The following C12orf75 variants were observed in gnomAD, a reference collection of about 807,000 sequenced individuals.
The protein encoded by C12orf75 is overexpressed in colon carcinoma 1 protein.
C12orf75 carries 4 observed loss-of-function variants against 11.4 expected under a neutral mutation model. The observed-to-expected ratio is 0.35, with a 90% CI of 0.17 to 0.80. C12orf75 has a LOEUF of 0.80. C12orf75 is among the 30% of genes least tolerant of loss of function. The pLI is 0.52. For missense variants in C12orf75, 89 were observed against 80.4 expected, an observed-to-expected ratio of 1.11 and a Z score of -0.41; for synonymous variants, 30 against 30.0, an observed-to-expected ratio of 1.00 and a Z score of 0.00.
intron 1 of C12orf75, among the ~76,000 whole-genome samples, chr12:105,331,995 A>G (rs1381932595): frequency 6.6e-6 from 1 of 152,214 alleles, no homozygotes; most frequent in Non-Finnish European, 1.5e-5. Context: ...ACGCCGGTAA[A>G]AAATGGAGTT....
chr12:105,356,505 AT>A (rs1892783158), intron 2 of C12orf75, among the ~76,000 whole-genome samples: 1 of 143,012 alleles, frequency 7.0e-6, no homozygotes, highest in South Asian at 2.2e-4. Flanking sequence ...TATTTAGAAC[AT>A]TTTTCTTGAT....
At chr12:105,361,878 T>C (rs1365963321) in intron 2 of C12orf75, among the ~76,000 whole-genome samples, 1 of 152,206 alleles carries the variant, frequency 6.6e-6, no homozygotes, top group Admixed American at 6.5e-5. Flanking sequence ...AACCTTAGTC[T>C]GGACCTGGTT....
intron 2 of C12orf75, among the ~76,000 whole-genome samples, chr12:105,364,080 C>T (rs764452948): frequency 2.4e-4 from 36 of 152,032 alleles, no homozygotes; most frequent in East Asian, 5.8e-4. Flanking sequence ...TAGTCATGGC[C>T]GGAAATGTGT....
At chr12:105,350,327 G>T (rs566171620) in intron 2 of C12orf75, among the ~76,000 whole-genome samples, 1 of 152,208 alleles carries the variant, frequency 6.6e-6, no homozygotes, top group Admixed American at 6.5e-5. Context: ...CTCGCATGGC[G>T]TGGGAGGAGA....
At chr12:105,333,703 A>G (rs1210499011) in intron 1 of C12orf75, among the ~76,000 whole-genome samples, 1 of 152,180 alleles carries the variant, frequency 6.6e-6, no homozygotes, top group Non-Finnish European at 1.5e-5. Flanking sequence ...ATCTTGTTTC[A>G]TAAGGCTCAT....
intron 4 of C12orf75, 54 bp downstream of exon 4, chr12:105,366,750 A>T (rs1871484000): frequency 1.0e-6 from 1 of 998,368 alleles, no homozygotes; most frequent in Admixed American, 2.1e-5. Context: ...TTTATGTTTT[A>T]TGAAAAAGCA....
intron 1 of C12orf75, among the ~76,000 whole-genome samples, chr12:105,344,405 C>G (rs11112482): frequency 0.19 from 29,315 of 152,108 alleles, 3,106 homozygotes; most frequent in Non-Finnish European, 0.23. Context: ...CTTGGCCACT[C>G]TCTTCTTCCT....
At chr12:105,357,803 TGTGTGAGAGAGA>T (rs1303315499) in intron 2 of C12orf75, among the ~76,000 whole-genome samples, 7 of 147,012 alleles carry the variant, frequency 4.8e-5, no homozygotes, top group Non-Finnish European at 9.1e-5. Flanking sequence ...TGTGTGTGTG[TGTGTGAGAGAGA>T]GAGAGAGAGA....
chr12:105,346,154 A>G (rs928109300), intron 1 of C12orf75, among the ~76,000 whole-genome samples: 3 of 151,710 alleles, frequency 2.0e-5, no homozygotes, highest in African/African-American at 7.3e-5. Flanking sequence ...CCTGGAAACA[A>G]CCCCCCACAC....
At chr12:105,347,176 C>T (rs766377817) in intron 1 of C12orf75, among the ~76,000 whole-genome samples, 12 of 152,134 alleles carry the variant, frequency 7.9e-5, no homozygotes, top group East Asian at 1.9e-4. Flanking sequence ...AGAGAATCTG[C>T]GAGAAGTAAT....
chr12:105,362,938 A>G (rs1892893970), intron 2 of C12orf75, among the ~76,000 whole-genome samples: 2 of 152,260 alleles, frequency 1.3e-5, no homozygotes, highest in South Asian at 4.1e-4. Flanking sequence ...GTATAGTTAC[A>G]CAATCAGGTT....
chr12:105,335,186 C>T (rs1892485883), intron 1 of C12orf75, among the ~76,000 whole-genome samples: 1 of 152,110 alleles, frequency 6.6e-6, no homozygotes, highest in Non-Finnish European at 1.5e-5. Context: ...ATTATTTACC[C>T]TATTTTATCA....
intron 2 of C12orf75, among the ~76,000 whole-genome samples, chr12:105,363,370 A>C (rs1186425428): frequency 2.6e-5 from 4 of 152,192 alleles, no homozygotes; most frequent in Non-Finnish European, 5.9e-5. Flanking sequence ...GGATGAAGTG[A>C]CAGTCTTATA....
Position 105,352,236 on chromosome 12 carries a change from T to C in C12orf75, c.71+3610T>C, listed in dbSNP as rs186713646. ...ATTGCGTGTGTCATGATGGCCACAT[T>C]GGTCACCCTGGGGACTGTAGTTTCA... On this transcript the variant is annotated intron_variant, in intron 2 of 5. Transcript: ENST00000443585. Among the ~76,000 whole-genome samples the C allele has an allele frequency of 4.8e-3, 728 of 152,182 alleles. 22 individuals are homozygous for C. Among genetic ancestry groups the C allele is most frequent in the Admixed American group, 0.044 (667 of 15,288 alleles).
intron 2 of C12orf75, among the ~76,000 whole-genome samples, chr12:105,357,005 C>T (rs1209682105): frequency 2.0e-5 from 3 of 152,090 alleles, no homozygotes; most frequent in African/African-American, 4.8e-5. Flanking sequence ...GGCGAAAGCC[C>T]ACCCACCCCA....
intron 5 of C12orf75, among the ~76,000 whole-genome samples, chr12:105,368,311 A>G (rs1028629630): frequency 3.9e-5 from 6 of 152,000 alleles, no homozygotes; most frequent in Non-Finnish European, 5.9e-5. Flanking sequence ...ATGACACCCA[A>G]CCTCTTTTGA....
intron 1 of C12orf75, among the ~76,000 whole-genome samples, chr12:105,333,569 T>TA (rs749855714): frequency 7.2e-5 from 11 of 152,182 alleles, no homozygotes; most frequent in East Asian, 3.8e-4. Flanking sequence ...GTGCTGAACT[T>TA]AAGAGTCTGG....
intron 2 of C12orf75, among the ~76,000 whole-genome samples, chr12:105,354,564 C>T (rs771355055): frequency 1.1e-4 from 17 of 152,104 alleles, no homozygotes; most frequent in Admixed American, 5.9e-4. Flanking sequence ...TTGTTGCCCC[C>T]GGTGAATGAC....
chr12:105,336,790 G>A (rs950064493), intron 1 of C12orf75, among the ~76,000 whole-genome samples: 4 of 152,168 alleles, frequency 2.6e-5, no homozygotes, highest in African/African-American at 7.2e-5. Flanking sequence ...CACTCTAAAA[G>A]TAAGGTAGTA....
Sources: allele counts gnomAD v4.1 joint callset (sites outside exome capture counted in the v4.1 genomes callset), GRCh38; gene constraint gnomAD v4.1.1; transcripts MANE v1.5; gene names NCBI Gene and HGNC (gene_info 2026-07-23, HGNC 2026-07-21).